The following DNAH14 variants were observed in gnomAD, a reference collection of about 807,000 sequenced individuals.
DNAH14 encodes the protein dynein axonemal heavy chain 14.
DNAH14 carries 478 observed loss-of-function variants against 520.9 expected under a neutral mutation model. The observed-to-expected ratio is 0.92, with a 90% CI of 0.85 to 0.99. DNAH14 has a LOEUF of 0.99. DNAH14 is among the 50% of genes least tolerant of loss of function. The probability of loss-of-function intolerance (pLI) is 0.00; values close to 1 mark genes in which losing one functional copy is unlikely to be tolerated. For synonymous variants in DNAH14, 1,581 were observed against 1,757.2 expected (o/e 0.90, Z 2.51); for missense variants, 4,831 against 5,234.5 (o/e 0.92, Z 2.38).
intron 54 of DNAH14, among the ~76,000 whole-genome samples, chr1:225,281,344 C>A (rs1035245853): frequency 4.7e-5 from 7 of 149,116 alleles, no homozygotes; most frequent in African/African-American, 1.7e-4. Context: ...GTCATAACAT[C>A]TCTCTCTCTC....
At chr1:224,945,162 T>G (rs1352071179) in intron 1 of DNAH14, among the ~76,000 whole-genome samples, 1 of 152,162 alleles carries the variant, frequency 6.6e-6, no homozygotes, top group African/African-American at 2.4e-5. Context: ...TTTCACAGAG[T>G]CCCATATTTC....
intron 15 of DNAH14, among the ~76,000 whole-genome samples, chr1:225,049,283 G>C (rs1285526774): frequency 6.6e-6 from 1 of 151,652 alleles, no homozygotes; most frequent in Non-Finnish European, 1.5e-5. Context: ...TGTTGGTCTT[G>C]AACTCCTGAC....
intron 78 of DNAH14, among the ~76,000 whole-genome samples, chr1:225,376,185 G>C (rs1014104414): frequency 3.9e-5 from 6 of 152,048 alleles, no homozygotes; most frequent in African/African-American, 7.2e-5. Flanking sequence ...CTAGCACTTT[G>C]GGAGGCCGAG....
chr1:224,978,615 A>G (rs2062032467), intron 8 of DNAH14, among the ~76,000 whole-genome samples: 1 of 152,086 alleles, frequency 6.6e-6, no homozygotes, highest in Non-Finnish European at 1.5e-5. Context: ...CATTTTTTCA[A>G]ATAGTTAGAA....
chr1:225,184,765 G>A (rs752281682), intron 36 of DNAH14, among the ~76,000 whole-genome samples: 5 of 151,302 alleles, frequency 3.3e-5, no homozygotes, highest in Non-Finnish European at 5.9e-5. Context: ...GAGAGAGAGA[G>A]AGAAAGAAAG....
In DNAH14 at chr1:225,159,307, A is replaced by G; in HGVS notation, c.5274-7A>G. 1 of 1,550,168 alleles carries G rather than the reference A, an allele frequency of 6.5e-7. No individual in the cohort carries two copies. The highest frequency in any genetic ancestry group is 2.4e-5 in the East Asian group (1 of 40,842). On this transcript the variant is annotated splice_region_variant and splice_polypyrimidine_tract_variant and intron_variant, in intron 34 of 85. Coordinates refer to ENST00000682510, the MANE Select transcript of DNAH14 (RefSeq NM_001367479.1). Reference sequence around the variant, plus strand: ...TTCTCTGTGTTTGTTTTCTTCTACCATTGAAGTGATACCAGTGACAGTCTT... The same window carrying G: ...TTCTCTGTGTTTGTTTTCTTCTACCGTTGAAGTGATACCAGTGACAGTCTT...
At chr1:225,048,833 T>C (rs1313591759) in intron 15 of DNAH14, among the ~76,000 whole-genome samples, 1 of 152,154 alleles carries the variant, frequency 6.6e-6, no homozygotes, top group African/African-American at 2.4e-5. Context: ...CAGCAATCTA[T>C]GAATTCCAGT....
chr1:225,089,749 A>T (rs931032249), intron 21 of DNAH14, among the ~76,000 whole-genome samples: 4 of 152,170 alleles, frequency 2.6e-5, no homozygotes, highest in Admixed American at 6.5e-5. Context: ...AGTACATTTT[A>T]AAAAATTTTT....
At chr1:225,373,393 A>G (rs1193206664) in intron 77 of DNAH14, among the ~76,000 whole-genome samples, 1 of 142,542 alleles carries the variant, frequency 7.0e-6, no homozygotes, top group East Asian at 2.1e-4. Context: ...TGAACCCGGG[A>G]GGTGGAGGTT....
intron 41 of DNAH14, among the ~76,000 whole-genome samples, chr1:225,217,364 G>T (rs1559325271): frequency 6.6e-6 from 1 of 150,682 alleles, no homozygotes; most frequent in Non-Finnish European, 1.5e-5. Flanking sequence ...CTCACTTGAG[G>T]AGGCAGTCTG....
intron 27 of DNAH14, among the ~76,000 whole-genome samples, chr1:225,128,905 T>C (rs2078069669): frequency 6.6e-6 from 1 of 151,058 alleles, no homozygotes; most frequent in Admixed American, 6.6e-5. Flanking sequence ...CATGATTGTA[T>C]ATCTAGAAAA....
chr1:225,075,131 G>T (rs933603395), intron 17 of DNAH14, among the ~76,000 whole-genome samples: 1 of 152,194 alleles, frequency 6.6e-6, no homozygotes, highest in Admixed American at 6.5e-5. Flanking sequence ...CCCTGGTGAA[G>T]TGGGTTCACA....
intron 11 of DNAH14, among the ~76,000 whole-genome samples, chr1:225,030,825 G>A (rs934600921): frequency 1.3e-4 from 20 of 151,740 alleles, no homozygotes; most frequent in Non-Finnish European, 2.2e-4. Context: ...CTTCAGCTTT[G>A]TTCTTCTTTT....
At chr1:225,003,132 G>A (rs1197931793) in intron 9 of DNAH14, among the ~76,000 whole-genome samples, 1 of 151,898 alleles carries the variant, frequency 6.6e-6, no homozygotes, top group African/African-American at 2.4e-5. Context: ...TCTTCCTTAT[G>A]CCTAACCTAA....
chr1:224,929,831 G>A lies in DNAH14; in HGVS notation c.-38G>A. On this transcript the variant is annotated 5_prime_UTR_variant, in exon 1 of 86. Coordinates refer to ENST00000682510, the MANE Select transcript of DNAH14 (RefSeq NM_001367479.1). ...CACAACGGCCGTCGGACCACGGCGC[G>A]GCGGGTAAGGTCGTCAGCGTCTTCC... The A allele has an allele frequency of 1.4e-6, 1 of 692,940 alleles. No homozygotes were observed. Among genetic ancestry groups the A allele is most frequent in the East Asian group, 2.7e-5 (1 of 36,874 alleles). 42.9% of individuals were successfully genotyped at this position (692,940 alleles called of 1,614,324 possible).
chr1:225,161,578 AC>A (rs2081526730), intron 35 of DNAH14, among the ~76,000 whole-genome samples: 1 of 152,008 alleles, frequency 6.6e-6, no homozygotes, highest in African/African-American at 2.4e-5. Context: ...TTTTTGACCA[AC>A]CTCCAAATTG....
Position 225,273,019 on chromosome 1 carries a change from T to C in DNAH14, c.7904T>C (p.Leu2635Pro), listed in dbSNP as rs1249897909. ...AACTCCAAAGAGATGGCTGCTCTGCTCTTTGTTCATGAAGCCACCCGAGTA... is the reference window on the plus strand; with the variant it reads ...AACTCCAAAGAGATGGCTGCTCTGCCCTTTGTTCATGAAGCCACCCGAGTA... ...VVNSKEMAAL[L>P]FVHEATRVFH... Residue 2635 changes from leucine to proline, a missense_variant, in exon 52 of 86, where the codon CTC becomes CCC. By Grantham distance (98) the Leu-to-Pro change is moderately conservative. Coordinates refer to ENST00000682510, the MANE Select transcript of DNAH14 (RefSeq NM_001367479.1). The C allele has an allele frequency of 1.3e-6, 2 of 1,551,634 alleles. No homozygotes were observed.
At chr1:225,165,782 G>T (rs2081986198) in intron 35 of DNAH14, among the ~76,000 whole-genome samples, 1 of 151,768 alleles carries the variant, frequency 6.6e-6, no homozygotes, top group Non-Finnish European at 1.5e-5. Context: ...ACAAGGTTTT[G>T]CCGTGTTGCT....
chr1:225,257,893 A>G, intron 44 of DNAH14, 67 bp from the exon 45 acceptor site: 7 of 1,260,402 alleles, frequency 5.6e-6, no homozygotes, highest in Non-Finnish European at 7.5e-6. Context: ...ATGACAAAAA[A>G]AAAAAAAAGA....
Sources: gnomAD v4.1 joint callset for allele counts (sites outside exome capture counted in the v4.1 genomes callset) on GRCh38, gnomAD v4.1.1 for gene constraint, MANE v1.5 for transcripts, NCBI Gene and HGNC (gene_info 2026-07-23, HGNC 2026-07-21) for gene names.